AOPEP: variants seen among roughly 807,000 people sequenced by gnomAD.
AOPEP encodes aminopeptidase O.
AOPEP carries 77 observed loss-of-function variants against 98.1 expected under a neutral mutation model. The observed-to-expected ratio is 0.78, with a 90% CI of 0.65 to 0.95. The LOEUF is 0.95. AOPEP is among the 40% of genes least tolerant of loss of function. AOPEP has a pLI of 0.00. For synonymous variants in AOPEP, 346 were observed against 365.3 expected (o/e 0.95, Z 0.60); for missense variants, 1,024 against 1,024.7 (o/e 1.00, Z 0.01).
chr9:94,779,375 A>G (rs1006937251), intron 3 of AOPEP, among the ~76,000 whole-genome samples: 3 of 152,320 alleles, frequency 2.0e-5, no homozygotes, highest in Admixed American at 2.0e-4. Context: ...CCAAGCCTAC[A>G]TATTTTCTCA....
intron 13 of AOPEP, among the ~76,000 whole-genome samples, chr9:95,038,978 C>G (rs1036964164): frequency 6.6e-6 from 1 of 152,072 alleles, no homozygotes; most frequent in African/African-American, 2.4e-5. Context: ...ATTTGGCAAT[C>G]GAAATGATCC....
At chr9:95,064,234 C>T (rs1220826375) in intron 14 of AOPEP, among the ~76,000 whole-genome samples, 2 of 152,222 alleles carry the variant, frequency 1.3e-5, no homozygotes, top group African/African-American at 2.4e-5. Context: ...TCCCGTAGCA[C>T]GGGCAGTAGC....
At chr9:94,792,205 A>G (rs1447068736) in intron 3 of AOPEP, among the ~76,000 whole-genome samples, 1 of 152,228 alleles carries the variant, frequency 6.6e-6, no homozygotes, top group African/African-American at 2.4e-5. Context: ...GACTAAGGGT[A>G]AGACCTGAAC....
intron 5 of AOPEP, among the ~76,000 whole-genome samples, chr9:94,841,463 C>T (rs578262656): frequency 4.5e-4 from 69 of 152,122 alleles, no homozygotes; most frequent in Non-Finnish European, 8.4e-4. Context: ...TGTGAGCCAA[C>T]GTGCCTGGCC....
chr9:94,869,856 G>A (rs936149449), intron 5 of AOPEP, among the ~76,000 whole-genome samples: 1 of 151,922 alleles, frequency 6.6e-6, no homozygotes, highest in Non-Finnish European at 1.5e-5. Context: ...GTAATATTAA[G>A]TGTGACCCTT....
At chr9:95,124,066 T>C in the AOPEP span, among the ~76,000 whole-genome samples, 1 of 127,894 alleles carries the variant, frequency 7.8e-6, no homozygotes, top group Admixed American at 9.6e-5. Flanking sequence ...ATCACATCAC[T>C]GCACTCCAGC....
At chr9:95,067,588 T>C (rs2068043605) in intron 14 of AOPEP, among the ~76,000 whole-genome samples, 1 of 152,068 alleles carries the variant, frequency 6.6e-6, no homozygotes, top group South Asian at 2.1e-4. Flanking sequence ...CACCAGGTAG[T>C]TTTTCTCGAG....
At chr9:94,854,718 C>T (rs1041199129) in intron 5 of AOPEP, among the ~76,000 whole-genome samples, 2 of 152,230 alleles carry the variant, frequency 1.3e-5, no homozygotes, top group Non-Finnish European at 2.9e-5. Flanking sequence ...CCCGATGGAA[C>T]ATTTAACCCA....
At chr9:94,771,564 C>T (rs1840885437) in intron 2 of AOPEP, among the ~76,000 whole-genome samples, 1 of 152,180 alleles carries the variant, frequency 6.6e-6, no homozygotes, top group Non-Finnish European at 1.5e-5. Context: ...ACTTCATTTC[C>T]TAGGCTCTCT....
intron 1 of AOPEP, among the ~76,000 whole-genome samples, chr9:94,757,633 A>G (rs2132398286): frequency 1.3e-5 from 2 of 152,364 alleles, no homozygotes; most frequent in Middle Eastern, 3.4e-3. Flanking sequence ...GTTAGACAAT[A>G]AATAATTATA....
chr9:95,078,958 G>T (rs1270297645), intron 14 of AOPEP, among the ~76,000 whole-genome samples: 1 of 152,234 alleles, frequency 6.6e-6, no homozygotes, highest in Admixed American at 6.5e-5. Flanking sequence ...ACTCTTTCTT[G>T]TATAGTGTGT....
the AOPEP span, among the ~76,000 whole-genome samples, chr9:95,112,087 A>G: frequency 6.6e-6 from 1 of 152,192 alleles, no homozygotes; most frequent in African/African-American, 2.4e-5. Flanking sequence ...AGCAACTACG[A>G]ATTTTTAATG....
At chr9:94,858,020 T>C (rs1054918470) in intron 5 of AOPEP, among the ~76,000 whole-genome samples, 2 of 151,170 alleles carry the variant, frequency 1.3e-5, no homozygotes, top group Non-Finnish European at 2.9e-5. Flanking sequence ...ACTAAGCAAG[T>C]CTCCCAGCTC....
At chr9:95,125,720 C>T in the AOPEP span, among the ~76,000 whole-genome samples, 1 of 152,222 alleles carries the variant, frequency 6.6e-6, no homozygotes, top group Non-Finnish European at 1.5e-5. Context: ...ACTGTTCTGA[C>T]TACTGGTGAG....
chr9:95,117,212 G>A, the AOPEP span: 3 of 1,009,060 alleles, frequency 3.0e-6, no homozygotes, highest in Non-Finnish European at 4.6e-6. Flanking sequence ...AACCAGTTCT[G>A]TCTCCCTCAT....
At chr9:95,034,082 G>A (rs1205542290) in intron 13 of AOPEP, among the ~76,000 whole-genome samples, 1 of 152,144 alleles carries the variant, frequency 6.6e-6, no homozygotes, top group Non-Finnish European at 1.5e-5. Flanking sequence ...TCCCTGCCTT[G>A]TCTTCCATTA....
chr9:94,872,296 G>A (rs1224663656), intron 5 of AOPEP, among the ~76,000 whole-genome samples: 3 of 152,140 alleles, frequency 2.0e-5, no homozygotes, highest in African/African-American at 7.2e-5. Context: ...CTTTTGGTTG[G>A]TTGGTTTTTA....
intron 5 of AOPEP, among the ~76,000 whole-genome samples, chr9:94,830,826 T>C (rs898466066): frequency 6.6e-5 from 10 of 152,212 alleles, no homozygotes; most frequent in African/African-American, 1.9e-4. Flanking sequence ...TTTTTTCATG[T>C]TTGTTGGCTG....
At chr9:94,748,118 T>C (rs1361556770) in intron 1 of AOPEP, among the ~76,000 whole-genome samples, 2 of 152,210 alleles carry the variant, frequency 1.3e-5, no homozygotes, top group Non-Finnish European at 2.9e-5. Context: ...AGGACTAATA[T>C]ATTTGAAGCA....
Sources: gnomAD v4.1 joint callset for allele counts (sites outside exome capture counted in the v4.1 genomes callset) on GRCh38, gnomAD v4.1.1 for gene constraint, MANE v1.5 for transcripts, NCBI Gene and HGNC (gene_info 2026-07-23, HGNC 2026-07-21) for gene names.